Variants in ITFG1 observed in about 807,000 individuals in gnomAD.
ITFG1 encodes the protein integrin alpha FG-GAP repeat containing 1.
ITFG1 carries 34 observed loss-of-function variants against 81.8 expected under a neutral mutation model. That is an observed-to-expected ratio of 0.42 (90% CI 0.32 to 0.55). The LOEUF is 0.55. Among genes scored for constraint, ITFG1 ranks in the 20% least tolerant of loss-of-function variants. The pLI is 0.17. For missense variants in ITFG1, 672 were observed against 755.4 expected (o/e 0.89, Z 1.29); for synonymous variants, 285 against 270.6 (o/e 1.05, Z -0.52).
At chr16:47,186,591 G>A (rs894656108) in intron 14 of ITFG1, among the ~76,000 whole-genome samples, 34 of 152,106 alleles carry the variant, frequency 2.2e-4, no homozygotes, top group African/African-American at 7.7e-4. Context: ...CAACAAATTA[G>A]GTATTGATGG....
intron 8 of ITFG1, among the ~76,000 whole-genome samples, chr16:47,337,022 GT>G (rs1967713766): frequency 6.7e-6 from 1 of 150,282 alleles, no homozygotes; most frequent in African/African-American, 2.4e-5. Context: ...GTGGGCACAT[GT>G]AATCCCAGCT....
At chr16:47,276,425 A>G (rs542018343) in intron 10 of ITFG1, among the ~76,000 whole-genome samples, 1 of 152,310 alleles carries the variant, frequency 6.6e-6, no homozygotes, top group East Asian at 1.9e-4. Flanking sequence ...GGAAGATTCA[A>G]CATCACAAAT....
chr16:47,375,796 A>C, intron 7 of ITFG1, 80 bp downstream of exon 7: 2 of 899,482 alleles, frequency 2.2e-6, no homozygotes, highest in Admixed American at 3.7e-5. Flanking sequence ...CCAAGTGATT[A>C]TTTTCATTTT....
chr16:47,362,551 T>C (rs1175054909), intron 8 of ITFG1, among the ~76,000 whole-genome samples: 1 of 152,262 alleles, frequency 6.6e-6, no homozygotes. Flanking sequence ...CCATTTATTA[T>C]GCTTCTATAT....
intron 6 of ITFG1, among the ~76,000 whole-genome samples, chr16:47,406,669 T>G (rs896740077): frequency 1.3e-5 from 2 of 152,058 alleles, no homozygotes; most frequent in Non-Finnish European, 2.9e-5. Flanking sequence ...CATTCTAGTA[T>G]GGGAAGAAGC....
intron 14 of ITFG1, among the ~76,000 whole-genome samples, chr16:47,187,459 A>T (rs1456252046): frequency 1.3e-5 from 2 of 152,198 alleles, no homozygotes; most frequent in African/African-American, 2.4e-5. Context: ...ATAATGCCGC[A>T]TATCTACAAC....
chr16:47,387,689 C>G (rs1012996151), intron 6 of ITFG1, among the ~76,000 whole-genome samples: 1 of 152,190 alleles, frequency 6.6e-6, no homozygotes, highest in Non-Finnish European at 1.5e-5. Context: ...GATTGATAAA[C>G]CTTCTCATAC....
intron 14 of ITFG1, among the ~76,000 whole-genome samples, chr16:47,184,335 C>T (rs1470813540): frequency 2.0e-5 from 3 of 151,972 alleles, no homozygotes; most frequent in Non-Finnish European, 4.4e-5. Context: ...GTCAGATTCA[C>T]CAAAGTGGAA....
At chr16:47,291,895 T>C (rs1966911176) in intron 10 of ITFG1, among the ~76,000 whole-genome samples, 1 of 152,206 alleles carries the variant, frequency 6.6e-6, no homozygotes, top group Non-Finnish European at 1.5e-5. Flanking sequence ...GTATTTTCTT[T>C]TGTCACACTG....
chr16:47,219,695 A>G (rs1965667912), intron 13 of ITFG1, among the ~76,000 whole-genome samples: 1 of 152,200 alleles, frequency 6.6e-6, no homozygotes, highest in South Asian at 2.1e-4. Context: ...AGTATAGAAA[A>G]GTTAATAATG....
At chr16:47,306,803 C>T (rs571365733) in intron 10 of ITFG1, among the ~76,000 whole-genome samples, 16 of 151,780 alleles carry the variant, frequency 1.1e-4, no homozygotes, top group East Asian at 7.7e-4. Context: ...AATAATAAAA[C>T]GGAGAAAGAG....
chr16:47,228,489 C>T (rs530512026), intron 13 of ITFG1, among the ~76,000 whole-genome samples: 13 of 152,182 alleles, frequency 8.5e-5, no homozygotes, highest in South Asian at 6.2e-4. Flanking sequence ...CCTGAGTACC[C>T]GGGATTACAG....
At chr16:47,446,571 A>C (rs1050744360) in intron 5 of ITFG1, among the ~76,000 whole-genome samples, 2 of 152,198 alleles carry the variant, frequency 1.3e-5, no homozygotes, top group African/African-American at 4.8e-5. Context: ...TCTGAAAAGA[A>C]GCACGCGTCC....
chr16:47,290,340 G>C (rs767802889), intron 10 of ITFG1, among the ~76,000 whole-genome samples: 18 of 152,122 alleles, frequency 1.2e-4, no homozygotes, highest in Non-Finnish European at 2.2e-4. Flanking sequence ...TGGTCTAAAG[G>C]ACAATCTGAA....
At chr16:47,214,939 C>T (rs1353138896) in intron 14 of ITFG1, among the ~76,000 whole-genome samples, 1 of 151,870 alleles carries the variant, frequency 6.6e-6, no homozygotes, top group Non-Finnish European at 1.5e-5. Flanking sequence ...CACACACACA[C>T]ACACACACAC....
chr16:47,411,608 A>T (rs1355101263), intron 6 of ITFG1, among the ~76,000 whole-genome samples: 1 of 152,084 alleles, frequency 6.6e-6, no homozygotes, highest in African/African-American at 2.4e-5. Flanking sequence ...CCAAGCAAAG[A>T]TGGACGACCA....
chr16:47,181,512 G>C (rs1965120154), intron 14 of ITFG1, among the ~76,000 whole-genome samples: 2 of 128,730 alleles, frequency 1.6e-5, no homozygotes, highest in South Asian at 5.2e-4. Flanking sequence ...GGGGGGGTCA[G>C]CCCCCCCACC....
chr16:47,261,571 T>C (rs1325236018), intron 10 of ITFG1, among the ~76,000 whole-genome samples: 1 of 152,232 alleles, frequency 6.6e-6, no homozygotes, highest in African/African-American at 2.4e-5. Flanking sequence ...TCCTAGGCAT[T>C]TTCCCAAAAT....
chr16:47,191,277 A>C (rs1163005000), intron 14 of ITFG1, among the ~76,000 whole-genome samples: 1 of 152,112 alleles, frequency 6.6e-6, no homozygotes, highest in Non-Finnish European at 1.5e-5. Flanking sequence ...GGCATTCTTC[A>C]TTCCTATTTA....
Sources: gnomAD v4.1 joint callset for allele counts (sites outside exome capture counted in the v4.1 genomes callset) on GRCh38, gnomAD v4.1.1 for gene constraint, MANE v1.5 for transcripts, NCBI Gene and HGNC (gene_info 2026-07-23, HGNC 2026-07-21) for gene names.